The following PARD3B variants were observed in gnomAD, a reference collection of about 807,000 sequenced individuals.
The protein encoded by PARD3B is par-3 family cell polarity regulator beta.
PARD3B carries 103 observed loss-of-function variants against 130.2 expected under a neutral mutation model. The ratio of observed to expected loss-of-function variants is 0.79; its 90% CI spans 0.67 to 0.93. PARD3B has a LOEUF of 0.93. Among genes scored for constraint, PARD3B ranks in the 40% least tolerant of loss-of-function variants. The pLI is 0.00. For synonymous variants in PARD3B, 583 were observed against 553.2 expected, an observed-to-expected ratio of 1.05 and a Z score of -0.76; for missense variants, 1,609 against 1,499.2, an observed-to-expected ratio of 1.07 and a Z score of -1.21.
chr2:205,307,165 T>C (rs2042216737), intron 18 of PARD3B, among the ~76,000 whole-genome samples: 1 of 152,254 alleles, frequency 6.6e-6, no homozygotes, highest in African/African-American at 2.4e-5. Flanking sequence ...TGTGAAAAGC[T>C]AAGTGTTTGC....
intron 15 of PARD3B, among the ~76,000 whole-genome samples, chr2:205,233,625 A>G (rs2038938697): frequency 1.3e-5 from 2 of 152,102 alleles, no homozygotes; most frequent in Non-Finnish European, 2.9e-5. Flanking sequence ...TCTATTTATG[A>G]TGGGGTTACG....
Position 205,326,953 on chromosome 2 carries a change from G to A in PARD3B, c.2630+25252G>A, listed in dbSNP as rs73982881. On this transcript the variant is annotated intron_variant, in intron 18 of 22. Transcript: ENST00000406610. ...GCCCTAAGCCCTAAGTGTTCTCTTCGGTGCTATTTATTACTAAAATATTTG... is the reference window on the plus strand; with the variant it reads ...GCCCTAAGCCCTAAGTGTTCTCTTCAGTGCTATTTATTACTAAAATATTTG... 8.6e-3 allele frequency among the ~76,000 whole-genome samples: 1,311 copies of A among 152,120 alleles called. 15 individuals carry two copies. The highest frequency in any genetic ancestry group is 0.03 in the African/African-American group (1,235 of 41,504).
At chr2:204,718,483 G>A (rs1421668413) in intron 2 of PARD3B, among the ~76,000 whole-genome samples, 4 of 152,212 alleles carry the variant, frequency 2.6e-5, no homozygotes, top group African/African-American at 9.6e-5. Context: ...GATTTTGTGA[G>A]AACTCATTAT....
chr2:205,387,008 T>G (rs2045684736), intron 18 of PARD3B, among the ~76,000 whole-genome samples: 2 of 152,208 alleles, frequency 1.3e-5, no homozygotes, highest in South Asian at 4.1e-4. Context: ...TTCGAAAGTA[T>G]TTATTGAACA....
chr2:204,584,068 T>A (rs7565043), intron 1 of PARD3B, among the ~76,000 whole-genome samples: 12,047 of 152,196 alleles, frequency 0.079, 1,584 homozygotes, highest in African/African-American at 0.27. Context: ...AGCCAGGAAT[T>A]TGTAGTTCAC....
At chr2:204,901,938 G>A (rs986986816) in intron 2 of PARD3B, among the ~76,000 whole-genome samples, 7 of 152,016 alleles carry the variant, frequency 4.6e-5, no homozygotes, top group Non-Finnish European at 5.9e-5. Context: ...TCTGCCTAGT[G>A]CCCTATTCTA....
At chr2:205,014,522 A>G (rs1695973113) in intron 3 of PARD3B, among the ~76,000 whole-genome samples, 1 of 152,172 alleles carries the variant, frequency 6.6e-6, no homozygotes, top group African/African-American at 2.4e-5. Context: ...ATTAACATTT[A>G]TTTCTGGGCT....
chr2:205,013,904 G>A (rs948568107), intron 3 of PARD3B, among the ~76,000 whole-genome samples: 2 of 152,172 alleles, frequency 1.3e-5, no homozygotes, highest in Non-Finnish European at 2.9e-5. Flanking sequence ...TAGACCATTT[G>A]AGAACCAAGG....
intron 3 of PARD3B, among the ~76,000 whole-genome samples, chr2:204,983,842 T>G (rs1487002098): frequency 6.6e-6 from 1 of 152,204 alleles, no homozygotes; most frequent in South Asian, 2.1e-4. Flanking sequence ...TACTATTATT[T>G]GTCCAATTCA....
intron 4 of PARD3B, among the ~76,000 whole-genome samples, chr2:205,056,604 GCTACTTT>G (rs1699651121): frequency 6.6e-6 from 1 of 151,100 alleles, no homozygotes; most frequent in Non-Finnish European, 1.5e-5. Flanking sequence ...AAAAAAAATT[GCTACTTT>G]TAGCAAATCT....
chr2:205,212,563 C>T (rs2037700704), intron 15 of PARD3B, among the ~76,000 whole-genome samples: 1 of 152,044 alleles, frequency 6.6e-6, no homozygotes, highest in Admixed American at 6.6e-5. Context: ...TGGGGTGTAA[C>T]CTGAGAGAGA....
chr2:205,239,488 G>A (rs1225929116), intron 15 of PARD3B, among the ~76,000 whole-genome samples: 1 of 152,152 alleles, frequency 6.6e-6, no homozygotes, highest in Non-Finnish European at 1.5e-5. Context: ...GAAAAACAGT[G>A]TGTACTGAAT....
At chr2:204,971,291 G>T (rs1002481229) in intron 3 of PARD3B, among the ~76,000 whole-genome samples, 7 of 152,250 alleles carry the variant, frequency 4.6e-5, no homozygotes, top group South Asian at 2.1e-4. Flanking sequence ...TTAAGTATTG[G>T]CATCTGATCC....
intron 21 of PARD3B, among the ~76,000 whole-genome samples, chr2:205,544,073 A>G (rs1318709939): frequency 5.9e-5 from 9 of 152,162 alleles, no homozygotes; most frequent in Non-Finnish European, 4.4e-5. Context: ...ATAAAACAAA[A>G]CAGCAAGGAG....
chr2:205,506,114 C>G (rs1396770654), intron 21 of PARD3B, among the ~76,000 whole-genome samples: 1 of 152,150 alleles, frequency 6.6e-6, no homozygotes, highest in Non-Finnish European at 1.5e-5. Context: ...GAAGGTGGAT[C>G]ATGAGGTCAA....
At chr2:205,497,427 ATTTTTTTTTT>A (rs3077795) in intron 20 of PARD3B, among the ~76,000 whole-genome samples, 1 of 123,706 alleles carries the variant, frequency 8.1e-6, no homozygotes, top group East Asian at 2.4e-4. Context: ...TTTACTCACC[ATTTTTTTTTT>A]TTTTTTTTTT....
chr2:205,145,622 C>G (rs1228162958), intron 10 of PARD3B, among the ~76,000 whole-genome samples: 1 of 152,102 alleles, frequency 6.6e-6, no homozygotes, highest in Non-Finnish European at 1.5e-5. Context: ...TATCTCTGTC[C>G]TCTGCTCCTT....
intron 20 of PARD3B, among the ~76,000 whole-genome samples, chr2:205,489,965 G>C (rs147416537): frequency 1.2e-4 from 18 of 152,090 alleles, no homozygotes; most frequent in Non-Finnish European, 2.6e-4. Context: ...ATCTGGTGAC[G>C]ATTCTCAGTC....
intron 1 of PARD3B, among the ~76,000 whole-genome samples, chr2:204,585,456 C>T (rs1382055830): frequency 6.6e-6 from 1 of 151,918 alleles, no homozygotes; most frequent in Admixed American, 6.6e-5. Context: ...ATCTCAGCCT[C>T]CTAAGTAGCT....
Sources: allele counts gnomAD v4.1 joint callset (sites outside exome capture counted in the v4.1 genomes callset), GRCh38; gene constraint gnomAD v4.1.1; transcripts MANE v1.5; gene names NCBI Gene and HGNC (gene_info 2026-07-23, HGNC 2026-07-21).